The following SLC16A12 variants were observed in gnomAD, a reference collection of about 807,000 sequenced individuals.
The protein encoded by SLC16A12 is solute carrier family 16 member 12, also known as monocarboxylate transporter 12.
A neutral mutation model predicts 42.4 loss-of-function variants in SLC16A12; 17 were observed. The observed-to-expected ratio is 0.40, with a 90% CI of 0.27 to 0.60. The LOEUF (loss-of-function observed/expected upper bound fraction) is 0.60, where lower values mean the gene tolerates loss of function less well. SLC16A12 is among the 20% of genes least tolerant of loss of function. SLC16A12 has a pLI of 0.42. For synonymous variants in SLC16A12, 224 were observed against 229.4 expected (o/e 0.98, Z 0.21); for missense variants, 544 against 623.0 (o/e 0.87, Z 1.35).
At chr10:89,466,311 A>G (rs1411606293) in intron 2 of SLC16A12, among the ~76,000 whole-genome samples, 1 of 152,182 alleles carries the variant, frequency 6.6e-6, no homozygotes, top group Non-Finnish European at 1.5e-5. Context: ...TATGCACTAG[A>G]AACTATTCTA....
At chr10:89,510,055 G>T (rs1843138853) in intron 2 of SLC16A12, among the ~76,000 whole-genome samples, 1 of 152,092 alleles carries the variant, frequency 6.6e-6, no homozygotes. Flanking sequence ...TCTTCAAGGA[G>T]AACTACAAAC....
At chr10:89,457,162 A>T (rs2133731564) in intron 3 of SLC16A12, among the ~76,000 whole-genome samples, 1 of 152,200 alleles carries the variant, frequency 6.6e-6, no homozygotes, top group Admixed American at 6.5e-5. Context: ...CTGCACAGCA[A>T]AAGAAACTAT....
intron 1 of SLC16A12, among the ~76,000 whole-genome samples, chr10:89,556,371 A>G (rs1316853415): frequency 1.3e-5 from 2 of 152,136 alleles, no homozygotes; most frequent in African/African-American, 2.4e-5. Flanking sequence ...ATCTCTATCT[A>G]TCAATCTATC....
upstream of SLC16A12, among the ~76,000 whole-genome samples, chr10:89,539,889 C>CTTTCTTTA (rs1843702698): frequency 6.8e-6 from 1 of 146,858 alleles, no homozygotes; most frequent in South Asian, 2.2e-4. Context: ...TTCTTTCTTT[C>CTTTCTTTA]TTTCTTTCTT....
intron 3 of SLC16A12, among the ~76,000 whole-genome samples, chr10:89,454,106 C>T (rs1842140694): frequency 6.6e-6 from 1 of 151,904 alleles, no homozygotes; most frequent in Non-Finnish European, 1.5e-5. Flanking sequence ...GCAGCCTTGA[C>T]CTCCCGGGCT....
chr10:89,514,935 A>G (rs544375231), intron 2 of SLC16A12, among the ~76,000 whole-genome samples: 1 of 152,284 alleles, frequency 6.6e-6, no homozygotes, highest in East Asian at 1.9e-4. Context: ...TACTAAAAAT[A>G]CAAAAAATTA....
intron 2 of SLC16A12, among the ~76,000 whole-genome samples, chr10:89,519,867 C>T (rs1285316484): frequency 1.3e-5 from 2 of 152,154 alleles, no homozygotes; most frequent in Admixed American, 6.5e-5. Context: ...GTAATCCCAG[C>T]ACTTTGGGAG....
chr10:89,503,415 TA>T (rs1328414448), intron 2 of SLC16A12, among the ~76,000 whole-genome samples: 1 of 152,182 alleles, frequency 6.6e-6, no homozygotes, highest in African/African-American at 2.4e-5. Flanking sequence ...AAGGTCCCCA[TA>T]AAATCCCATT....
chr10:89,512,220 G>C (rs977740643), intron 2 of SLC16A12, among the ~76,000 whole-genome samples: 9 of 152,200 alleles, frequency 5.9e-5, no homozygotes, highest in Admixed American at 3.3e-4. Flanking sequence ...AAGTTCTGGA[G>C]ATGGATGGTG....
At chr10:89,535,989 G>T (rs977990767), upstream of SLC16A12, among the ~76,000 whole-genome samples, 3 of 152,242 alleles carry the variant, frequency 2.0e-5, no homozygotes, top group Non-Finnish European at 2.9e-5. Context: ...AGGATTTAGC[G>T]CGGGGATCCG....
intron 3 of SLC16A12, among the ~76,000 whole-genome samples, chr10:89,450,212 AG>A (rs1842071518): frequency 6.6e-6 from 1 of 152,214 alleles, no homozygotes; most frequent in African/African-American, 2.4e-5. Flanking sequence ...TGATTCCTCA[AG>A]GATCTAGAAT....
Position 89,431,793 on chromosome 10 carries a change from C to T in SLC16A12, c.*1271G>A, listed in dbSNP as rs1378204501. The T allele has an allele frequency of 2.6e-5, 4 of 152,180 alleles. No homozygotes were observed. The highest frequency in any genetic ancestry group is 1.3e-4 in the Admixed American group (2 of 15,280). 9.4% of individuals were successfully genotyped at this position (152,180 alleles called of 1,614,324 possible). A position where few individuals can be genotyped will look rare whatever the true frequency, so the allele number is the denominator to read the frequency against. ...ACTTTTTCTTCCCTCCATGCCTTCC[C>T]TCTTCAATCTGAAGACTCAGAAATT... On this transcript the variant is annotated 3_prime_UTR_variant, in exon 8 of 8. Coordinates refer to ENST00000371790, the MANE Select transcript of SLC16A12 (RefSeq NM_213606.4).
chr10:89,532,405 C>T (rs1289911592), intron 2 of SLC16A12, among the ~76,000 whole-genome samples: 8 of 152,196 alleles, frequency 5.3e-5, no homozygotes, highest in Non-Finnish European at 1.2e-4. Flanking sequence ...ATGACACTTT[C>T]TGATGTCCTT....
intron 2 of SLC16A12, among the ~76,000 whole-genome samples, chr10:89,541,099 T>G (rs1843712910): frequency 6.6e-6 from 1 of 151,688 alleles, no homozygotes. Context: ...TTTTTTTTTT[T>G]GTATTTTTAG....
intron 2 of SLC16A12, among the ~76,000 whole-genome samples, chr10:89,551,250 T>C (rs1386937749): frequency 1.3e-5 from 2 of 152,138 alleles, no homozygotes; most frequent in African/African-American, 4.8e-5. Flanking sequence ...GAGACCAGCC[T>C]GGCCAACATG....
intron 4 of SLC16A12, among the ~76,000 whole-genome samples, chr10:89,443,090 C>T (rs1227908374): frequency 6.6e-6 from 1 of 152,188 alleles, no homozygotes; most frequent in African/African-American, 2.4e-5. Flanking sequence ...AATGTTAATT[C>T]CATACATTTC....
chr10:89,542,143 G>A (rs1257045013), intron 2 of SLC16A12, among the ~76,000 whole-genome samples: 2 of 152,046 alleles, frequency 1.3e-5, no homozygotes, highest in Admixed American at 1.3e-4. Flanking sequence ...GAAGCTCTGT[G>A]AAGGTGAGGT....
chr10:89,498,324 T>C (rs1228126433), intron 2 of SLC16A12, among the ~76,000 whole-genome samples: 2 of 152,000 alleles, frequency 1.3e-5, no homozygotes, highest in African/African-American at 2.4e-5. Context: ...AAAAAGAGAC[T>C]GTGTTGAAAG....
upstream of SLC16A12, among the ~76,000 whole-genome samples, chr10:89,538,851 T>C (rs1224463091): frequency 6.6e-6 from 1 of 152,204 alleles, no homozygotes; most frequent in Non-Finnish European, 1.5e-5. Flanking sequence ...CCTAAGACCA[T>C]GTGTGTATTT....
Sources: allele counts gnomAD v4.1 joint callset (sites outside exome capture counted in the v4.1 genomes callset), GRCh38; gene constraint gnomAD v4.1.1; transcripts MANE v1.5; gene names NCBI Gene and HGNC (gene_info 2026-07-23, HGNC 2026-07-21).